DPP6: variants seen among roughly 807,000 people sequenced by gnomAD.
The protein encoded by DPP6 is A-type potassium channel modulatory protein DPP6.
DPP6 carries 69 observed loss-of-function variants against 122.6 expected under a neutral mutation model. The ratio of observed to expected loss-of-function variants is 0.56; its 90% CI spans 0.46 to 0.69. DPP6 has a LOEUF of 0.69. Ranked by LOEUF, DPP6 falls within the 30% of genes least tolerant of loss-of-function variation. The pLI, the probability that DPP6 is intolerant of heterozygous loss-of-function variation, is 0.00. For missense variants in DPP6, 928 were observed against 1,116.9 expected, an observed-to-expected ratio of 0.83 and a Z score of 2.41; for synonymous variants, 418 against 433.1, an observed-to-expected ratio of 0.97 and a Z score of 0.43.
chr7:154,355,544 G>T (rs1019670937), intron 1 of DPP6, among the ~76,000 whole-genome samples: 2 of 152,114 alleles, frequency 1.3e-5, no homozygotes, highest in African/African-American at 4.8e-5. Flanking sequence ...TTTTGAGTAT[G>T]GTGTGAGGTA....
At chr7:154,300,097 G>T (rs1037990610) in intron 1 of DPP6, among the ~76,000 whole-genome samples, 1 of 152,210 alleles carries the variant, frequency 6.6e-6, no homozygotes, top group Non-Finnish European at 1.5e-5. Flanking sequence ...CTGAGAAATT[G>T]CTAATAGAAT....
intron 13 of DPP6, among the ~76,000 whole-genome samples, chr7:154,801,907 T>G (rs1798392978): frequency 6.6e-6 from 1 of 152,080 alleles, no homozygotes; most frequent in Admixed American, 6.6e-5. Context: ...TATTATTTTA[T>G]TATGTGACCG....
chr7:154,636,542 C>G (rs189781451), intron 5 of DPP6, among the ~76,000 whole-genome samples: 8 of 152,346 alleles, frequency 5.3e-5, no homozygotes, highest in Admixed American at 2.0e-4. Flanking sequence ...TAAAGCAGCA[C>G]TTTCCCATCT....
rs57576340 is a variant in DPP6 at position 154,181,749 on chromosome 7, C to CTTT, written c.243+128703_243+128705dup. Among the ~76,000 whole-genome samples, 265 of 134,896 alleles carry CTTT rather than the reference C, an allele frequency of 2.0e-3. 7 individuals are homozygous for CTTT. The highest frequency in any genetic ancestry group is 6.7e-3 in the African/African-American group (243 of 36,334). The allele number at this position is 134,896 out of a possible 152,430, so 88.5% of individuals were successfully genotyped here. A position where few individuals can be genotyped will look rare whatever the true frequency, so the allele number is the denominator to read the frequency against. ...TGCACTCATGAAAATGCATCTCCCTCTTTTTTTTTTTTTTTTTTTGAGACA... is the reference window on the plus strand; with the variant it reads ...TGCACTCATGAAAATGCATCTCCCTCTTTTTTTTTTTTTTTTTTTTTTGAGACA... On this transcript the variant is annotated intron_variant, in intron 1 of 25. Transcript: ENST00000377770.
intron 8 of DPP6, among the ~76,000 whole-genome samples, chr7:154,759,067 A>G (rs1162248432): frequency 1.3e-5 from 2 of 152,170 alleles, no homozygotes; most frequent in South Asian, 2.1e-4. Flanking sequence ...TAGAAAAAGG[A>G]CAGAAGATTG....
chr7:154,269,997 A>G (rs1190029234), intron 1 of DPP6, among the ~76,000 whole-genome samples: 1 of 152,234 alleles, frequency 6.6e-6, no homozygotes, highest in African/African-American at 2.4e-5. Context: ...GATAGTCAAT[A>G]GAAGGAATGA....
chr7:154,360,530 G>A (rs1811640255), intron 1 of DPP6, among the ~76,000 whole-genome samples: 1 of 152,222 alleles, frequency 6.6e-6, no homozygotes, highest in Admixed American at 6.5e-5. Flanking sequence ...GGTTGTGAAT[G>A]CGTGTGTTGC....
In DPP6 at chr7:154,470,698, G is replaced by C. The variant is rs116970609; in HGVS notation, c.359-4241G>C. On this transcript the variant is annotated intron_variant, in intron 2 of 25. Transcript: ENST00000377770. ...GATTTCAGCATGCCTTTACATGCTG[G>C]TGAGCTAACCAGGCCAAGTCAATTT... 5.8e-3 allele frequency among the ~76,000 whole-genome samples: 880 copies of C among 152,282 alleles called. 4 individuals carry two copies. The highest frequency in any genetic ancestry group is 9.9e-3 in the Non-Finnish European group (676 of 68,028).
At chr7:153,953,699 C>A (rs1400565341) in intron 1 of DPP6, among the ~76,000 whole-genome samples, 1 of 152,200 alleles carries the variant, frequency 6.6e-6, no homozygotes, top group Admixed American at 6.5e-5. Flanking sequence ...CTTGGCTATA[C>A]TGTTAGTCAG....
intron 7 of DPP6, among the ~76,000 whole-genome samples, chr7:154,714,397 C>G (rs529247344): frequency 8.5e-5 from 13 of 152,272 alleles, no homozygotes; most frequent in South Asian, 8.3e-4. Context: ...TCTCACACTG[C>G]TATGAAGAAA....
chr7:154,666,739 A>T (rs1838193847), intron 6 of DPP6, among the ~76,000 whole-genome samples: 1 of 152,348 alleles, frequency 6.6e-6, no homozygotes, highest in South Asian at 2.1e-4. Flanking sequence ...ATGTACCGTC[A>T]TTTATTCAAC....
At chr7:154,829,299 C>T (rs576871401) in intron 16 of DPP6, among the ~76,000 whole-genome samples, 281 of 151,866 alleles carry the variant, frequency 1.9e-3, no homozygotes, top group African/African-American at 6.4e-3. Context: ...AGAAGGATTG[C>T]TTGAACCTGG....
intron 3 of DPP6, among the ~76,000 whole-genome samples, chr7:154,488,332 CA>C (rs1228784941): frequency 6.6e-6 from 1 of 151,792 alleles, no homozygotes; most frequent in East Asian, 1.9e-4. Flanking sequence ...ACTAAAAATA[CA>C]AAAAAAGTTA....
chr7:154,568,610 G>A (rs1400037784), intron 5 of DPP6, among the ~76,000 whole-genome samples: 1 of 152,162 alleles, frequency 6.6e-6, no homozygotes, highest in Non-Finnish European at 1.5e-5. Flanking sequence ...CGCTCTGTTT[G>A]GAAGAGTGCC....
rs1023609335 is a variant in DPP6 at position 154,390,877 on chromosome 7, C to A, written c.244-55337C>A. On this transcript the variant is annotated intron_variant, in intron 1 of 25. Coordinates refer to ENST00000377770, the MANE Select transcript of DPP6 (RefSeq NM_130797.4). Reference sequence around the variant, plus strand: ...CCCGTTGCCATGCCATTTGTTGGATCACTTGCAGGCCCCGAGTCTCAAACA... The same window carrying A: ...CCCGTTGCCATGCCATTTGTTGGATAACTTGCAGGCCCCGAGTCTCAAACA... Among the ~76,000 whole-genome samples, 4 of 152,150 alleles carry A rather than the reference C, an allele frequency of 2.6e-5. No individual in the cohort carries two copies. In the South Asian group the frequency reaches 6.2e-4, roughly 24 times the overall value.
chr7:154,024,769 G>A (rs778682649), intron 1 of DPP6, among the ~76,000 whole-genome samples: 4 of 152,208 alleles, frequency 2.6e-5, no homozygotes, highest in Admixed American at 1.3e-4. Flanking sequence ...TTGTCTCCCC[G>A]TGAGTGTGAG....
At position 154,845,261 on chromosome 7, in the gene DPP6, T is replaced by G. The variant is rs753057737; in HGVS notation, c.1667-8519T>G. Reference sequence around the variant, plus strand: ...CAGAATGTGTTTGTCTTTCTGTCTGTGTGAGATGGGGTTGGAACACGGTCA... The same window carrying G: ...CAGAATGTGTTTGTCTTTCTGTCTGGGTGAGATGGGGTTGGAACACGGTCA... On this transcript the variant is annotated intron_variant, in intron 16 of 25. Transcript: ENST00000377770. Among the ~76,000 whole-genome samples, 29 of 152,182 alleles carry G rather than the reference T, an allele frequency of 1.9e-4. 1 individual carries two copies. The highest frequency in any genetic ancestry group is 4.1e-4 in the Non-Finnish European group (28 of 68,036).
intron 7 of DPP6, among the ~76,000 whole-genome samples, chr7:154,724,513 C>A (rs147188208): frequency 6.6e-6 from 1 of 152,204 alleles, no homozygotes; most frequent in African/African-American, 2.4e-5. Context: ...CCCTTCTCTT[C>A]GCCACACCAT....
At chr7:153,832,358 C>T in the DPP6 span, among the ~76,000 whole-genome samples, 1 of 152,216 alleles carries the variant, frequency 6.6e-6, no homozygotes, top group Admixed American at 6.5e-5. Flanking sequence ...TGTCATCATG[C>T]CTCATGTGTT....
Sources: gnomAD v4.1 joint callset for allele counts (sites outside exome capture counted in the v4.1 genomes callset) on GRCh38, gnomAD v4.1.1 for gene constraint, MANE v1.5 for transcripts, NCBI Gene and HGNC (gene_info 2026-07-23, HGNC 2026-07-21) for gene names.